Variants in ADGRL2 observed in about 807,000 individuals in gnomAD.
ADGRL2 encodes adhesion G protein-coupled receptor L2, also known as calcium-independent alpha-latrotoxin receptor 2.
Under a neutral mutation model 157.4 loss-of-function variants are expected in ADGRL2, and 44 were observed. The observed-to-expected ratio is 0.28, with a 90% CI of 0.22 to 0.36. ADGRL2 has a LOEUF of 0.36. ADGRL2 is among the 10% of genes least tolerant of loss of function. ADGRL2 has a pLI of 1.00. For missense variants in ADGRL2, 1,510 were observed against 1,768.9 expected, an observed-to-expected ratio of 0.85 and a Z score of 2.63; for synonymous variants, 585 against 624.7, an observed-to-expected ratio of 0.94 and a Z score of 0.95.
chr1:81,982,063 A>G, intron 19 of ADGRL2, 87 bp downstream of exon 19: 1 of 1,057,182 alleles, frequency 9.5e-7, no homozygotes, highest in Admixed American at 2.8e-5. Context: ...TTTAAGTCAC[A>G]TCTGGCATAT....
At chr1:81,597,743 C>T (rs928906935) in intron 3 of ADGRL2, among the ~76,000 whole-genome samples, 5 of 152,128 alleles carry the variant, frequency 3.3e-5, no homozygotes, top group African/African-American at 7.2e-5. Context: ...ATTTCATACC[C>T]CCAATAAACC....
chr1:81,860,668 C>A (rs979398956), intron 2 of ADGRL2, among the ~76,000 whole-genome samples: 14 of 152,166 alleles, frequency 9.2e-5, no homozygotes, highest in African/African-American at 3.4e-4. Context: ...TTTGGATTCT[C>A]TGAGTCTACC....
At chr1:81,353,979 A>C (rs1663098765) in intron 1 of ADGRL2, among the ~76,000 whole-genome samples, 1 of 152,176 alleles carries the variant, frequency 6.6e-6, no homozygotes, top group Non-Finnish European at 1.5e-5. Context: ...GAATGACTAG[A>C]ATGACATGTC....
intron 11 of ADGRL2, among the ~76,000 whole-genome samples, chr1:81,957,496 C>T (rs1410239731): frequency 2.6e-5 from 4 of 151,800 alleles, no homozygotes; most frequent in African/African-American, 7.3e-5. Context: ...CTCTGGAGTT[C>T]GAGGCCAGCC....
chr1:81,613,578 T>C (rs140647062), intron 3 of ADGRL2, among the ~76,000 whole-genome samples: 2 of 134,250 alleles, frequency 1.5e-5, no homozygotes, highest in East Asian at 2.3e-4. Flanking sequence ...TCTGAAAAAC[T>C]GGGAAGATGG....
intron 3 of ADGRL2, among the ~76,000 whole-genome samples, chr1:81,644,130 G>T (rs2082271840): frequency 6.6e-6 from 1 of 152,150 alleles, no homozygotes. Flanking sequence ...TTGGAAGAAA[G>T]TCTTCTCAAC....
intron 2 of ADGRL2, among the ~76,000 whole-genome samples, chr1:81,868,959 G>A (rs184544410): frequency 5.2e-4 from 79 of 152,238 alleles, no homozygotes; most frequent in African/African-American, 1.8e-3. Context: ...AGTATATGCA[G>A]GGGATTTGAA....
At chr1:81,360,653 T>A (rs1174472407) in intron 1 of ADGRL2, among the ~76,000 whole-genome samples, 2 of 151,852 alleles carry the variant, frequency 1.3e-5, no homozygotes, top group Non-Finnish European at 2.9e-5. Context: ...CATAGCCACC[T>A]TTTCTCATAT....
At chr1:81,420,886 G>A (rs1391219314) in intron 1 of ADGRL2, among the ~76,000 whole-genome samples, 1 of 152,126 alleles carries the variant, frequency 6.6e-6, no homozygotes, top group Non-Finnish European at 1.5e-5. Flanking sequence ...TTAAATATCA[G>A]CTGAGTAAAA....
intron 3 of ADGRL2, among the ~76,000 whole-genome samples, chr1:81,655,120 T>C (rs2082502575): frequency 1.3e-5 from 2 of 152,172 alleles, no homozygotes; most frequent in African/African-American, 4.8e-5. Flanking sequence ...GGCCTCAACC[T>C]TCCAAGTGGC....
chr1:81,602,326 G>A (rs1275049612), intron 3 of ADGRL2, among the ~76,000 whole-genome samples: 1 of 152,116 alleles, frequency 6.6e-6, no homozygotes, highest in African/African-American at 2.4e-5. Context: ...GGGGTGCAGA[G>A]GCTCACGCCT....
intron 23 of ADGRL2, among the ~76,000 whole-genome samples, chr1:81,989,355 G>T (rs1360758231): frequency 6.6e-6 from 1 of 152,000 alleles, no homozygotes; most frequent in Non-Finnish European, 1.5e-5. Context: ...GACCTCCATG[G>T]CCATGGTGTC....
chr1:81,388,489 T>A (rs1388976173), intron 1 of ADGRL2, among the ~76,000 whole-genome samples: 1 of 152,174 alleles, frequency 6.6e-6, no homozygotes. Flanking sequence ...CAGATTACTA[T>A]GGTCTGAATG....
intron 2 of ADGRL2, among the ~76,000 whole-genome samples, chr1:81,875,954 G>A (rs1571853225): frequency 6.6e-6 from 1 of 152,244 alleles, no homozygotes; most frequent in Middle Eastern, 3.4e-3. Context: ...GCTTTTTAAA[G>A]TGCATAAGGA....
intron 1 of ADGRL2, among the ~76,000 whole-genome samples, chr1:81,720,896 T>C (rs2084288149): frequency 6.7e-6 from 1 of 149,968 alleles, no homozygotes; most frequent in Non-Finnish European, 1.5e-5. Context: ...TTATATATTA[T>C]ACTATATATG....
chr1:81,326,498 T>C (rs1557598949), intron 1 of ADGRL2, among the ~76,000 whole-genome samples: 1 of 152,232 alleles, frequency 6.6e-6, no homozygotes, highest in South Asian at 2.1e-4. Flanking sequence ...ACTGTTTTAA[T>C]GGACCATTCT....
intron 2 of ADGRL2, among the ~76,000 whole-genome samples, chr1:81,511,969 C>T (rs1182015509): frequency 2.0e-5 from 3 of 152,008 alleles, no homozygotes; most frequent in Non-Finnish European, 4.4e-5. Context: ...TTCCATTATT[C>T]CAAAGGGTAA....
At chr1:81,682,573 G>A (rs565888984) in intron 3 of ADGRL2, among the ~76,000 whole-genome samples, 16 of 152,128 alleles carry the variant, frequency 1.1e-4, no homozygotes, top group Non-Finnish European at 2.2e-4. Flanking sequence ...CTACCCTGTG[G>A]TGTGTGCATG....
chr1:81,552,014 C>A (rs2148391482), intron 2 of ADGRL2, among the ~76,000 whole-genome samples: 1 of 152,206 alleles, frequency 6.6e-6, no homozygotes, highest in East Asian at 1.9e-4. Context: ...TAGGACTTGG[C>A]CTATTTTATT....
Sources: gnomAD v4.1 joint callset for allele counts (sites outside exome capture counted in the v4.1 genomes callset) on GRCh38, gnomAD v4.1.1 for gene constraint, MANE v1.5 for transcripts, NCBI Gene and HGNC (gene_info 2026-07-23, HGNC 2026-07-21) for gene names.